PDE8B: variants seen among roughly 807,000 people sequenced by gnomAD.
The protein encoded by PDE8B is phosphodiesterase 8B, also known as high affinity cAMP-specific and IBMX-insensitive 3',5'-cyclic phosphodiesterase 8B.
In PDE8B, 26 loss-of-function variants were observed where a neutral mutation model predicts 101.3. That is an observed-to-expected ratio of 0.26 (90% CI 0.19 to 0.36). PDE8B has a LOEUF of 0.36. PDE8B is among the 10% of genes least tolerant of loss of function. The pLI is 1.00. For missense variants in PDE8B, 810 were observed against 1,163.1 expected (o/e 0.70, Z 4.42); for synonymous variants, 424 against 429.3 (o/e 0.99, Z 0.15).
the PDE8B span, among the ~76,000 whole-genome samples, chr5:77,163,813 G>A: frequency 6.6e-6 from 1 of 152,188 alleles, no homozygotes; most frequent in Non-Finnish European, 1.5e-5. Context: ...AGGAGTTGAT[G>A]GTATGTAGAG....
chr5:77,157,185 C>T, the PDE8B span, among the ~76,000 whole-genome samples: 2 of 152,186 alleles, frequency 1.3e-5, no homozygotes, highest in African/African-American at 4.8e-5. Context: ...GAAAATCAAT[C>T]CCATGCATTA....
In PDE8B at chr5:77,413,392, A is replaced by G. The variant is rs962638129; in HGVS notation, c.1911+83A>G. ...ATCTTAGTAAATACATTAGGCAAAC[A>G]GCTATTTTGCAACCAAGTTGACAGC... On this transcript the variant is annotated intron_variant, in intron 17 of 21. Coordinates refer to ENST00000264917, the MANE Select transcript of PDE8B (RefSeq NM_003719.5). The G allele has an allele frequency of 4.0e-6, 5 of 1,241,448 alleles. No individual in the cohort carries two copies. In the East Asian group the frequency reaches 1.2e-4, roughly 29 times the overall value. 76.9% of individuals were successfully genotyped at this position (1,241,448 alleles called of 1,614,324 possible). A position where few individuals can be genotyped will look rare whatever the true frequency, so the allele number is the denominator to read the frequency against.
chr5:77,211,003 C>T lies in PDE8B; in HGVS notation c.78C>T (p.Pro26=), dbSNP rs888380498. Residue 26 remains proline (P), a synonymous_variant, in exon 1 of 22, where the codon CCC becomes CCT. Coordinates refer to ENST00000264917, the MANE Select transcript of PDE8B (RefSeq NM_003719.5). This position sits in a 1 kb window ranked among gnomAD's most constrained non-coding sequence, Gnocchi z 4.1. ...YCRDSDESSS[P]RQTTSVSQGP... ...GGGACTCGGACGAGTCCAGCTCGCC[C>T]CGCCAGACCACCAGCGTGTCGCAGG... 3 of 1,549,032 alleles carry T rather than the reference C, an allele frequency of 1.9e-6. No individual in the cohort carries two copies. The highest frequency in any genetic ancestry group is 2.3e-5 in the South Asian group (2 of 85,518).
At chr5:77,351,392 G>C (rs776604704) in intron 9 of PDE8B, among the ~76,000 whole-genome samples, 6 of 152,286 alleles carry the variant, frequency 3.9e-5, no homozygotes, top group Admixed American at 3.9e-4. Context: ...TATGCCTTCT[G>C]TCATTCCCAG....
At chr5:77,107,481 A>AT in the PDE8B span, among the ~76,000 whole-genome samples, 462 of 151,790 alleles carry the variant, frequency 3.0e-3, 1 homozygote, top group African/African-American at 0.01. Flanking sequence ...TAGTTTTATT[A>AT]TTTTTTTTGT....
chr5:77,314,397 C>A (rs1773333589), intron 2 of PDE8B, among the ~76,000 whole-genome samples: 1 of 151,988 alleles, frequency 6.6e-6, no homozygotes, highest in East Asian at 1.9e-4. Flanking sequence ...AATTTTAGGA[C>A]CATTTTGTCA....
intron 5 of PDE8B, 94 bp downstream of exon 5, chr5:77,331,553 T>G (rs1777132036): frequency 3.1e-6 from 3 of 952,432 alleles, no homozygotes; most frequent in Non-Finnish European, 5.1e-6. Flanking sequence ...CGGAGAACTG[T>G]TAAGGAAATT....
chr5:77,340,422 T>C (rs1022375110), intron 6 of PDE8B, among the ~76,000 whole-genome samples: 2 of 152,284 alleles, frequency 1.3e-5, no homozygotes, highest in Non-Finnish European at 2.9e-5. Flanking sequence ...CCAGTCCCTA[T>C]TGCTTTATTG....
chr5:77,225,930 A>G (rs1752302053), intron 1 of PDE8B, among the ~76,000 whole-genome samples: 1 of 151,692 alleles, frequency 6.6e-6, no homozygotes, highest in Admixed American at 6.6e-5. Flanking sequence ...CTTCATGATC[A>G]ATATGAACAC....
intron 3 of PDE8B, among the ~76,000 whole-genome samples, chr5:77,327,165 A>T (rs1776196657): frequency 6.6e-6 from 1 of 152,170 alleles, no homozygotes; most frequent in Non-Finnish European, 1.5e-5. Flanking sequence ...TGGGTGGGTG[A>T]CACGCTCCTG....
chr5:77,171,030 A>G, the PDE8B span, among the ~76,000 whole-genome samples: 16 of 152,232 alleles, frequency 1.1e-4, no homozygotes, highest in Non-Finnish European at 1.9e-4. Flanking sequence ...TCTAACACGA[A>G]TCAGGAGTAT....
intron 10 of PDE8B, among the ~76,000 whole-genome samples, chr5:77,363,610 G>A (rs1581250217): frequency 6.6e-6 from 1 of 151,936 alleles, no homozygotes; most frequent in Non-Finnish European, 1.5e-5. Flanking sequence ...TTCTCAGAAG[G>A]CTGAGGCAGG....
At chr5:77,136,282 CTGTTTTGTTTT>C in the PDE8B span, among the ~76,000 whole-genome samples, 3 of 152,152 alleles carry the variant, frequency 2.0e-5, no homozygotes, top group South Asian at 4.1e-4. Context: ...GTAGCCTTTT[CTGTTTTGTTTT>C]TGTTTTGTTT....
intron 1 of PDE8B, among the ~76,000 whole-genome samples, chr5:77,309,943 C>CTTT (rs955296324): frequency 2.6e-5 from 3 of 114,158 alleles, no homozygotes; most frequent in Non-Finnish European, 5.1e-5. Flanking sequence ...AATCATTAAT[C>CTTT]TTTTTTTTTT....
At chr5:77,150,821 T>C in the PDE8B span, among the ~76,000 whole-genome samples, 5 of 152,154 alleles carry the variant, frequency 3.3e-5, no homozygotes, top group African/African-American at 1.2e-4. Flanking sequence ...ACCCTTATTT[T>C]TCAAATAAGA....
the PDE8B span, among the ~76,000 whole-genome samples, chr5:77,174,263 C>G: frequency 2.0e-5 from 3 of 152,314 alleles, no homozygotes; most frequent in African/African-American, 7.2e-5. Flanking sequence ...AGTGTTTGTT[C>G]TTGCCCACCC....
intron 10 of PDE8B, among the ~76,000 whole-genome samples, chr5:77,395,858 A>C (rs1409892417): frequency 2.0e-5 from 3 of 152,134 alleles, no homozygotes; most frequent in Non-Finnish European, 4.4e-5. Context: ...TAGACAAAGC[A>C]TATCAGCTGC....
intron 10 of PDE8B, among the ~76,000 whole-genome samples, chr5:77,380,746 C>G (rs534024474): frequency 6.6e-6 from 1 of 152,228 alleles, no homozygotes; most frequent in African/African-American, 2.4e-5. Context: ...TATAGATAGA[C>G]ATTATTCAAA....
chr5:77,275,915 G>A (rs1488286801), intron 1 of PDE8B, among the ~76,000 whole-genome samples: 1 of 152,156 alleles, frequency 6.6e-6, no homozygotes, highest in African/African-American at 2.4e-5. Context: ...TATGAAGTGG[G>A]ATATAAATAT....
Sources: allele counts gnomAD v4.1 joint callset (sites outside exome capture counted in the v4.1 genomes callset), GRCh38; gene constraint gnomAD v4.1.1; non-coding constraint Gnocchi (gnomAD v3.1); transcripts MANE v1.5; gene names NCBI Gene and HGNC (gene_info 2026-07-23, HGNC 2026-07-21).